ZNF143: variants seen among roughly 807,000 people sequenced by gnomAD.
ZNF143 encodes the protein SPH-binding factor.
In ZNF143, 49 loss-of-function variants were observed where a neutral mutation model predicts 74.1. The ratio of observed to expected loss-of-function variants is 0.66; its 90% CI spans 0.53 to 0.84. The LOEUF (loss-of-function observed/expected upper bound fraction) is 0.84. Ranked by LOEUF, ZNF143 falls within the 40% of genes least tolerant of loss-of-function variation. The pLI is 0.00. For missense variants in ZNF143, 637 were observed against 793.4 expected, an observed-to-expected ratio of 0.80 and a Z score of 2.37; for synonymous variants, 304 against 282.8, an observed-to-expected ratio of 1.07 and a Z score of -0.75.
At chr11:9,501,309 G>T in intron 11 of ZNF143, 39 bp downstream of exon 11, 2 of 1,602,738 alleles carry the variant, frequency 1.2e-6, no homozygotes, top group African/African-American at 1.3e-5. Context: ...ATCTTTCAAG[G>T]CTCAGTTTAA....
chr11:9,516,431 A>G lies in ZNF143; in HGVS notation c.1686+69A>G, dbSNP rs12276181. On this transcript the variant is annotated intron_variant, in intron 14 of 15. Coordinates refer to ENST00000396602, the MANE Select transcript of ZNF143 (RefSeq NM_003442.6). ...ACCAAAACAGTTACATAGGTATGCA[A>G]TGTGGTACAACAGTTAAGCACACAA... 0.21 allele frequency: 295,850 copies of G among 1,404,966 alleles called. 33,627 individuals carry two copies. Among genetic ancestry groups the G allele is most frequent in the East Asian group, 0.41 (16,624 of 40,094 alleles). 87.0% of individuals were successfully genotyped at this position (1,404,966 alleles called of 1,614,324 possible).
At chr11:9,526,106 C>T (rs1310063803) in intron 15 of ZNF143, among the ~76,000 whole-genome samples, 1 of 152,094 alleles carries the variant, frequency 6.6e-6, no homozygotes, top group African/African-American at 2.4e-5. Context: ...GATTGTGCCA[C>T]TGCACTCCCG....
chr11:9,500,951 C>A (rs11042395), intron 10 of ZNF143, 140 bp from the exon 11 acceptor site: 4 of 965,864 alleles, frequency 4.1e-6, no homozygotes, highest in East Asian at 2.7e-5. Flanking sequence ...CCCAACCCCC[C>A]CAAAAAAATG....
chr11:9,527,176 T>A (rs568421613), intron 15 of ZNF143, among the ~76,000 whole-genome samples: 57 of 152,272 alleles, frequency 3.7e-4, no homozygotes, highest in African/African-American at 1.3e-3. Flanking sequence ...TTTGCCATGT[T>A]GCTCAGGCTG....
chr11:9,504,506 T>C (rs1263633887), intron 11 of ZNF143, among the ~76,000 whole-genome samples: 1 of 125,972 alleles, frequency 7.9e-6, no homozygotes, highest in Non-Finnish European at 1.9e-5. Context: ...ATTTTAATGC[T>C]CCATTTTGTG....
intron 11 of ZNF143, 23 bp from the exon 12 acceptor site, chr11:9,508,596 T>C (rs773626556): frequency 1.9e-6 from 3 of 1,572,298 alleles, no homozygotes; most frequent in South Asian, 2.3e-5. Context: ...AAAGTTGAAC[T>C]TTTTTTTGGT....
At position 9,527,682 on chromosome 11, in the gene ZNF143, C is replaced by G; in HGVS notation, c.*69C>G. ...TTCTGGCAGCAGAAATCCATGAAGCCCGGGCCCAGGAAAATTAGAAGTTTT... is the reference window on the plus strand; with the variant it reads ...TTCTGGCAGCAGAAATCCATGAAGCGCGGGCCCAGGAAAATTAGAAGTTTT... On this transcript the variant is annotated 3_prime_UTR_variant, in exon 16 of 16. Coordinates refer to ENST00000396602, the MANE Select transcript of ZNF143 (RefSeq NM_003442.6). 6.9e-7 allele frequency: 1 copy of G among 1,458,534 alleles called. No individual in the cohort carries two copies. Among genetic ancestry groups the G allele is most frequent in the African/African-American group, 1.4e-5 (1 of 71,378 alleles). The allele number at this position is 1,458,534 out of a possible 1,614,324, so 90.3% of individuals were successfully genotyped here. A position where few individuals can be genotyped will look rare whatever the true frequency, so the allele number is the denominator to read the frequency against.
At position 9,461,053 on chromosome 11, in the gene ZNF143, A is replaced by C. The variant is rs1855784978; in HGVS notation, c.-31A>C. The C allele has an allele frequency of 9.1e-6, 9 of 985,270 alleles. No individual in the cohort carries two copies. The highest frequency in any genetic ancestry group is 1.1e-5 in the Non-Finnish European group (9 of 829,942). 61.0% of individuals were successfully genotyped at this position (985,270 alleles called of 1,614,324 possible). On this transcript the variant is annotated 5_prime_UTR_variant, in exon 1 of 16. Coordinates refer to ENST00000396602, the MANE Select transcript of ZNF143 (RefSeq NM_003442.6). ...CTGGTGCATGGTGGTCGGACGAAGG[A>C]ATTGTTGGAAAATTTTCTCGGAGGT...
chr11:9,503,182 C>CT (rs2134111729), intron 11 of ZNF143, among the ~76,000 whole-genome samples: 1 of 152,230 alleles, frequency 6.6e-6, no homozygotes, highest in South Asian at 2.1e-4. Flanking sequence ...TAAATTCTTT[C>CT]TTTTTTCAGT....
chr11:9,467,021 G>T (rs555445683), intron 1 of ZNF143, among the ~76,000 whole-genome samples: 1 of 150,898 alleles, frequency 6.6e-6, no homozygotes, highest in Admixed American at 6.6e-5. Context: ...AGCCTCCGGA[G>T]TAGCTGGGAC....
At chr11:9,486,988 C>T (rs1253906195) in intron 7 of ZNF143, among the ~76,000 whole-genome samples, 2 of 89,528 alleles carry the variant, frequency 2.2e-5, no homozygotes, top group South Asian at 3.9e-4. Flanking sequence ...TTTTTTGAGA[C>T]GGAGTTTCAC....
chr11:9,494,984 C>G (rs1476345014), intron 8 of ZNF143, among the ~76,000 whole-genome samples: 1 of 152,046 alleles, frequency 6.6e-6, no homozygotes, highest in East Asian at 1.9e-4. Flanking sequence ...TCTCTGTATT[C>G]CTAATGTCCA....
At chr11:9,471,219 T>G in intron 1 of ZNF143, 83 bp from the exon 2 acceptor site, 1 of 1,168,360 alleles carries the variant, frequency 8.6e-7, no homozygotes, top group Non-Finnish European at 1.2e-6. Context: ...CTCAGCAGCT[T>G]TTTGTGGTTC....
rs1270945446 is a variant in ZNF143, at chr11:9,496,362, G to A, written c.825G>A (p.Gly275=). ...RPYQCEHAGC[G]KAFATGYGLK... is the part of the protein sequence containing the mutation. ...ATCAGTGTGAGCATGCAGGCTGTGGGAAGGCATTTGCAACAGGTAAAAGTA... is the reference window on the plus strand; with the variant it reads ...ATCAGTGTGAGCATGCAGGCTGTGGAAAGGCATTTGCAACAGGTAAAAGTA... The change falls in exon 9 of 16, where the codon GGG becomes GGA. Residue 275 remains glycine, a synonymous_variant. Transcript: ENST00000396602. The A allele has an allele frequency of 1.9e-6, 3 of 1,614,130 alleles. No individual in the cohort carries two copies. Among genetic ancestry groups the A allele is most frequent in the East Asian group, 4.5e-5 (2 of 44,878 alleles).
chr11:9,471,274 T>C (rs1856548992), intron 1 of ZNF143, 28 bp from the exon 2 acceptor site: 1 of 1,543,510 alleles, frequency 6.5e-7, no homozygotes, highest in Non-Finnish European at 8.8e-7. Flanking sequence ...TCATTCTTTG[T>C]TCCCAAGTGT....
chr11:9,484,799 G>GTTTTTTTTTTTTTTTTTTT (rs1316309780), intron 7 of ZNF143, among the ~76,000 whole-genome samples: 5 of 24,226 alleles, frequency 2.1e-4, no homozygotes, highest in African/African-American at 3.9e-4. Context: ...CCTGGCCAAA[G>GTTTTTTTTTTTTTTTTTTT]ATTTTTTTTT....
chr11:9,497,728 T>G lies in ZNF143; in HGVS notation c.895T>G (p.Cys299Gly). The change falls in exon 10 of 16, where the codon TGT becomes GGT. Residue 299 changes from cysteine to glycine, a missense_variant. Around this residue, in one of 2 missense-constraint regions of ZNF143, gnomAD observed 344 missense variants for 485.6 expected, o/e 0.71. Coordinates refer to ENST00000396602, the MANE Select transcript of ZNF143 (RefSeq NM_003442.6). ...TCATACAGGAGAAAAGCCATATCGG[T>G]GTTCGGAAGATAATTGTACTAAATC... ...RTHTGEKPYR[C>G]SEDNCTKSFK... The G allele has an allele frequency of 6.2e-7, 1 of 1,610,526 alleles. No homozygotes were observed. Among genetic ancestry groups the G allele is most frequent in the Non-Finnish European group, 8.5e-7 (1 of 1,177,044 alleles).
At chr11:9,489,098 C>T (rs558750909) in intron 7 of ZNF143, among the ~76,000 whole-genome samples, 2 of 152,106 alleles carry the variant, frequency 1.3e-5, no homozygotes, top group African/African-American at 4.8e-5. Context: ...TACTGTAGGT[C>T]ATTGCTATTT....
chr11:9,474,131 C>G, intron 4 of ZNF143, 107 bp downstream of exon 4: 1 of 868,954 alleles, frequency 1.2e-6, no homozygotes. Flanking sequence ...GTTCTCAAGT[C>G]CTCCTTCTGT....
Sources: gnomAD v4.1 joint callset for allele counts (sites outside exome capture counted in the v4.1 genomes callset) on GRCh38, gnomAD v4.1.1 for gene constraint, gnomAD v4.1.1 regional missense constraint, MANE v1.5 for transcripts, NCBI Gene and HGNC (gene_info 2026-07-23, HGNC 2026-07-21) for gene names.